The following UGT1A9 variants were observed in gnomAD, a reference collection of about 807,000 sequenced individuals.
UGT1A9 encodes the protein UDP-glucuronosyltransferase 1A9.
A neutral mutation model predicts 45.0 loss-of-function variants in UGT1A9; 35 were observed. The ratio of observed to expected loss-of-function variants is 0.78; its 90% CI spans 0.59 to 1.03. UGT1A9 has a LOEUF of 1.03. Among genes scored for constraint, UGT1A9 ranks in the 50% least tolerant of loss-of-function variants. The probability of loss-of-function intolerance (pLI) is 0.00; values close to 1 mark genes in which losing one functional copy is unlikely to be tolerated. For missense variants in UGT1A9, 687 were observed against 666.6 expected (o/e 1.03, Z -0.34); for synonymous variants, 278 against 250.6 (o/e 1.11, Z -1.03).
intron 1 of UGT1A9, among the ~76,000 whole-genome samples, chr2:233,764,044 G>C (rs1237715809): frequency 6.6e-6 from 1 of 152,166 alleles, no homozygotes; most frequent in Non-Finnish European, 1.5e-5. Flanking sequence ...AAGAATTCTG[G>C]GAAAATGAAA....
chr2:233,710,755 G>T (rs938686167), intron 1 of UGT1A9, among the ~76,000 whole-genome samples: 7 of 152,162 alleles, frequency 4.6e-5, no homozygotes, highest in African/African-American at 1.7e-4. Context: ...AAAGTTGCAA[G>T]TTTTGATTAA....
At chr2:233,708,440 C>A (rs1172500075) in intron 1 of UGT1A9, 1 of 152,126 alleles carries the variant, frequency 6.6e-6, no homozygotes, top group African/African-American at 2.4e-5. Context: ...CTGGTATTTA[C>A]CTTCTGCATT....
intron 1 of UGT1A9, chr2:233,729,807 T>C: frequency 6.2e-7 from 1 of 1,613,974 alleles, no homozygotes; most frequent in Non-Finnish European, 8.5e-7. Context: ...GCCATGCTTT[T>C]TCTGCTCCTT....
At chr2:233,732,540 C>T (rs929935072) in intron 1 of UGT1A9, among the ~76,000 whole-genome samples, 1 of 152,202 alleles carries the variant, frequency 6.6e-6, no homozygotes, top group Non-Finnish European at 1.5e-5. Context: ...CCAGTTTTCC[C>T]AGCACCATTT....
rs1466051735 is a variant in UGT1A9, at chr2:233,672,347, A to G, written c.413A>G (p.Lys138Arg). Residue 138 changes from lysine to arginine, a missense_variant, in exon 1 of 5, where the codon AAG becomes AGG. Lys to Arg is a conservative substitution (Grantham distance 26). Transcript: ENST00000354728. ...FKDKKLVEYLKESSFDAVFLD... is the reference protein window; with the variant it reads ...FKDKKLVEYLRESSFDAVFLD... Reference sequence around the variant, plus strand: ...GACAAAAAATTAGTAGAATACTTAAAGGAGAGTTCTTTTGATGCAGTGTTT... The same window carrying G: ...GACAAAAAATTAGTAGAATACTTAAGGGAGAGTTCTTTTGATGCAGTGTTT... 2 of 1,614,166 alleles carry G rather than the reference A, an allele frequency of 1.2e-6. No homozygotes were observed. The highest frequency in any genetic ancestry group is 1.7e-6 in the Non-Finnish European group (2 of 1,180,010).
In UGT1A9 at chr2:233,672,434, T is replaced by C. The variant is rs151238339; in HGVS notation, c.500T>C (p.Val167Ala). 9.3e-4 allele frequency: 1,499 copies of C among 1,613,976 alleles called. 4 individuals are homozygous for C. The highest frequency in any genetic ancestry group is 1.7e-3 in the Admixed American group (105 of 60,004). ...AAATATTTCTCCCTCCCCTCCGTGG[T>C]CTTCGCCAGGGGAATACTTTGCCAC... is the stretch of plus-strand genomic sequence containing the variant. ...VAKYFSLPSV[V>A]FARGILCHYL... The change falls in exon 1 of 5, where the codon GTC (valine) becomes GCC (alanine). Residue 167 changes from valine (V) to alanine (A), a missense_variant. Coordinates refer to ENST00000354728, the MANE Select transcript of UGT1A9 (RefSeq NM_021027.3).
chr2:233,739,695 T>C (rs1691176781), intron 1 of UGT1A9, among the ~76,000 whole-genome samples: 1 of 152,230 alleles, frequency 6.6e-6, no homozygotes, highest in African/African-American at 2.4e-5. Flanking sequence ...TTTTTGATTT[T>C]ACAGGCTCAT....
At chr2:233,728,118 A>T (rs567951320) in intron 1 of UGT1A9, among the ~76,000 whole-genome samples, 4 of 152,254 alleles carry the variant, frequency 2.6e-5, no homozygotes, top group African/African-American at 9.6e-5. Flanking sequence ...TCCATCTTGA[A>T]ATTTGGACTA....
rs754634228 is a variant in UGT1A9, at chr2:233,718,864, G to T, written c.855+46075G>T. On this transcript the variant is annotated intron_variant, in intron 1 of 4. Coordinates refer to ENST00000354728, the MANE Select transcript of UGT1A9 (RefSeq NM_021027.3). ...GTTCCCCTGCCGCGGCTGGCCACAG[G>T]ACTGCTGCTCCTCCTCAGTGTCCAG... 1 of 1,613,858 alleles carries T rather than the reference G, an allele frequency of 6.2e-7. No homozygotes were observed. The highest frequency in any genetic ancestry group is 2.2e-5 in the East Asian group (1 of 44,890).
chr2:233,741,879 A>G (rs775156771), intron 1 of UGT1A9: 10 of 151,838 alleles, frequency 6.6e-5, no homozygotes, highest in Non-Finnish European at 1.2e-4. Context: ...CTCAGAGGTG[A>G]CCCTAGAAGA....
Position 233,726,984 on chromosome 2 carries a change from G to A in UGT1A9, c.856-40050G>A, listed in dbSNP as rs570702921. Among the ~76,000 whole-genome samples, 9 of 152,176 alleles carry A rather than the reference G, an allele frequency of 5.9e-5. No individual in the cohort carries two copies. The East Asian group carries it at 1.2e-3, about 20-fold the overall frequency. ...GAGCAAAAGTTTTAGATTTTGATGA[G>A]GTTCTTTCTAGCAAAGTTTTATCAT... On this transcript the variant is annotated intron_variant, in intron 1 of 4. Transcript: ENST00000354728.
chr2:233,745,046 G>T (rs1021131728), intron 1 of UGT1A9, among the ~76,000 whole-genome samples: 1 of 151,780 alleles, frequency 6.6e-6, no homozygotes, highest in African/African-American at 2.4e-5. Flanking sequence ...TACAGTATTG[G>T]TTTTTTATTT....
At chr2:233,703,336 CTT>C (rs2075733566) in intron 1 of UGT1A9, among the ~76,000 whole-genome samples, 1 of 151,932 alleles carries the variant, frequency 6.6e-6, no homozygotes, top group South Asian at 2.1e-4. Flanking sequence ...AGTCTTCTCT[CTT>C]TTTTCTTTGT....
intron 1 of UGT1A9, among the ~76,000 whole-genome samples, chr2:233,732,755 G>GT (rs956485327): frequency 0.043 from 5,191 of 120,064 alleles, 256 homozygotes; most frequent in African/African-American, 0.13. Flanking sequence ...CACCAGCTTT[G>GT]TTTTTTTTTT....
chr2:233,747,166 G>A, intron 1 of UGT1A9: 1 of 1,592,464 alleles, frequency 6.3e-7, no homozygotes, highest in Non-Finnish European at 8.5e-7. Context: ...ACAAATGTAG[G>A]AGGCACAGCG....
chr2:233,688,768 T>G (rs2125540599), intron 1 of UGT1A9, among the ~76,000 whole-genome samples: 1 of 152,314 alleles, frequency 6.6e-6, no homozygotes, highest in African/African-American at 2.4e-5. Context: ...GAACATGGCT[T>G]TGCCATTCTA....
chr2:233,672,420 C>T lies in UGT1A9; in HGVS notation c.486C>T (p.Ser162=). The change falls in exon 1 of 5, where the codon TCC becomes TCT. Residue 162 remains serine, a synonymous_variant. Transcript: ENST00000354728. ...NCGLIVAKYF[S]LPSVVFARGI... is the part of the protein sequence containing the mutation. ...GCTTAATTGTTGCCAAATATTTCTC[C>T]CTCCCCTCCGTGGTCTTCGCCAGGG... 1 of 1,613,894 alleles carries T rather than the reference C, an allele frequency of 6.2e-7. No individual in the cohort carries two copies. Among genetic ancestry groups the T allele is most frequent in the South Asian group, 1.1e-5 (1 of 91,068 alleles).
At position 233,672,363 on chromosome 2, in the gene UGT1A9, T is replaced by G. The variant is rs751596599; in HGVS notation, c.429T>G (p.Asp143Glu). Residue 143 changes from aspartate (D) to glutamate (E), a missense_variant, in exon 1 of 5, where the codon GAT becomes GAG. Coordinates refer to ENST00000354728, the MANE Select transcript of UGT1A9 (RefSeq NM_021027.3). ...LVEYLKESSF[D>E]AVFLDPFDNC... ...AATACTTAAAGGAGAGTTCTTTTGA[T>G]GCAGTGTTTCTCGATCCTTTTGATA... 4 of 1,614,210 alleles carry G rather than the reference T, an allele frequency of 2.5e-6. No individual in the cohort carries two copies. The East Asian group carries it at 8.9e-5, about 36-fold the overall frequency.
chr2:233,729,276 G>T (rs765243640), intron 1 of UGT1A9: 1 of 1,614,232 alleles, frequency 6.2e-7, no homozygotes, highest in Non-Finnish European at 8.5e-7. Flanking sequence ...TCTTGCGGGA[G>T]CTCCATGCCA....
Sources: gnomAD v4.1 joint callset for allele counts (sites outside exome capture counted in the v4.1 genomes callset) on GRCh38, gnomAD v4.1.1 for gene constraint, MANE v1.5 for transcripts, NCBI Gene and HGNC (gene_info 2026-07-23, HGNC 2026-07-21) for gene names.